Variants in GABRB2 observed in about 807,000 individuals in gnomAD.
GABRB2 encodes the protein gamma-aminobutyric acid type A receptor subunit beta2, also known as gamma-aminobutyric acid receptor subunit beta-2.
Under a neutral mutation model 54.7 loss-of-function variants are expected in GABRB2, and 16 were observed. The observed-to-expected ratio is 0.29, with a 90% CI of 0.20 to 0.44. GABRB2 has a LOEUF of 0.44. Among genes scored for constraint, GABRB2 ranks in the 20% least tolerant of loss-of-function variants. The pLI, the probability that GABRB2 is intolerant of heterozygous loss-of-function variation, is 1.00. For synonymous variants in GABRB2, 244 were observed against 233.8 expected (o/e 1.04, Z -0.40); for missense variants, 355 against 644.0 (o/e 0.55, Z 4.86).
chr5:161,385,382 T>C (rs1279660876), intron 5 of GABRB2, among the ~76,000 whole-genome samples: 1 of 152,208 alleles, frequency 6.6e-6, no homozygotes, highest in African/African-American at 2.4e-5. Context: ...TGGTAATATG[T>C]AGAAGCTCTC....
chr5:161,400,420 C>T (rs879517197), intron 5 of GABRB2, among the ~76,000 whole-genome samples: 4 of 152,092 alleles, frequency 2.6e-5, no homozygotes, highest in Non-Finnish European at 4.4e-5. Flanking sequence ...TAAGTAAACA[C>T]GTTTGCATTC....
rs565352305 is a variant in GABRB2, at chr5:161,505,563, T to A, written c.237+39664A>T. Among the ~76,000 whole-genome samples, 27 of 152,218 alleles carry A rather than the reference T, an allele frequency of 1.8e-4. No homozygotes were observed. The East Asian group carries it at 4.1e-3, about 23-fold the overall frequency. ...CTTTAATAAAATATTTACAAAAAAA[T>A]TAATAATATGTTAAAAGGGTAATAG... On this transcript the variant is annotated intron_variant, in intron 3 of 9. Transcript: ENST00000393959.
Position 161,361,327 on chromosome 5 carries a change from T to C in GABRB2, c.542-24558A>G, listed in dbSNP as rs575120766. ...CTTTTAGGGAAGGAATTATTTTAAA[T>C]TGTTAAGTGTAACAATGGTATTTAT... On this transcript the variant is annotated intron_variant, in intron 5 of 9. Transcript: ENST00000393959. Among the ~76,000 whole-genome samples the C allele has an allele frequency of 2.2e-3, 334 of 152,280 alleles. 2 individuals carry two copies. Among genetic ancestry groups the C allele is most frequent in the African/African-American group, 7.7e-3 (319 of 41,596 alleles).
chr5:161,397,203 A>G (rs1267980710), intron 5 of GABRB2, among the ~76,000 whole-genome samples: 1 of 152,152 alleles, frequency 6.6e-6, no homozygotes, highest in Non-Finnish European at 1.5e-5. Flanking sequence ...CAGTCAAGTA[A>G]CTTTTCTACA....
chr5:161,455,529 A>AT (rs34494220), intron 4 of GABRB2, among the ~76,000 whole-genome samples: 13,970 of 137,898 alleles, frequency 0.1, 705 homozygotes, highest in Middle Eastern at 0.12. Context: ...TTGTTCCCCA[A>AT]TTTTTTTTTT....
intron 3 of GABRB2, among the ~76,000 whole-genome samples, chr5:161,540,095 A>C (rs1295805138): frequency 1.3e-5 from 2 of 152,214 alleles, no homozygotes; most frequent in Non-Finnish European, 2.9e-5. Context: ...TTCCTTTCAC[A>C]AAAGATTTCT....
At chr5:161,487,415 G>A (rs575737966) in intron 3 of GABRB2, among the ~76,000 whole-genome samples, 4 of 152,008 alleles carry the variant, frequency 2.6e-5, no homozygotes, top group East Asian at 2.0e-4. Context: ...GAATGCTTCC[G>A]TGAAAAATGC....
At chr5:161,480,086 G>A (rs1485855101) in intron 3 of GABRB2, among the ~76,000 whole-genome samples, 3 of 151,854 alleles carry the variant, frequency 2.0e-5, no homozygotes, top group Admixed American at 6.6e-5. Flanking sequence ...CACTGTTATC[G>A]TTTTGAGGCC....
At chr5:161,446,983 G>A (rs58554559) in intron 4 of GABRB2, among the ~76,000 whole-genome samples, 1 of 150,348 alleles carries the variant, frequency 6.7e-6, no homozygotes, top group African/African-American at 2.4e-5. Context: ...AAAAAAAAAA[G>A]TCATCTCCCT....
At chr5:161,389,580 G>T (rs1451696670) in intron 5 of GABRB2, among the ~76,000 whole-genome samples, 1 of 151,482 alleles carries the variant, frequency 6.6e-6, no homozygotes, top group Non-Finnish European at 1.5e-5. Flanking sequence ...GAGTGTGTGT[G>T]TGTGTGTGTG....
intron 5 of GABRB2, among the ~76,000 whole-genome samples, chr5:161,404,609 C>G (rs1488043665): frequency 6.6e-6 from 1 of 152,000 alleles, no homozygotes; most frequent in African/African-American, 2.4e-5. Context: ...AGAGTTTTAG[C>G]CTTTTTCCTC....
chr5:161,396,292 A>G (rs1755999654), intron 5 of GABRB2, among the ~76,000 whole-genome samples: 1 of 152,168 alleles, frequency 6.6e-6, no homozygotes, highest in Admixed American at 6.5e-5. Flanking sequence ...TTACTATGTT[A>G]GAGTACTGTG....
At chr5:161,308,474 G>A (rs959826911) in intron 9 of GABRB2, among the ~76,000 whole-genome samples, 5 of 152,238 alleles carry the variant, frequency 3.3e-5, no homozygotes, top group Non-Finnish European at 5.9e-5. Flanking sequence ...AAACTATCAT[G>A]GATATTCTTC....
At chr5:161,313,346 T>C (rs1757931594) in intron 9 of GABRB2, among the ~76,000 whole-genome samples, 1 of 152,112 alleles carries the variant, frequency 6.6e-6, no homozygotes, top group African/African-American at 2.4e-5. Context: ...CTGGTTGGAC[T>C]GAGCAGCTCT....
At chr5:161,407,059 C>G (rs931470123) in intron 5 of GABRB2, among the ~76,000 whole-genome samples, 2 of 152,022 alleles carry the variant, frequency 1.3e-5, no homozygotes, top group Non-Finnish European at 1.5e-5. Flanking sequence ...AAGAAATGAT[C>G]CTTTGGAATT....
At chr5:161,442,654 G>A (rs1258484612) in intron 4 of GABRB2, among the ~76,000 whole-genome samples, 2 of 152,170 alleles carry the variant, frequency 1.3e-5, no homozygotes, top group African/African-American at 2.4e-5. Flanking sequence ...CAGCCATTCA[G>A]TGACCACTAC....
intron 5 of GABRB2, among the ~76,000 whole-genome samples, chr5:161,383,824 C>A (rs1025552686): frequency 6.6e-6 from 1 of 152,214 alleles, no homozygotes; most frequent in African/African-American, 2.4e-5. Context: ...TGACGCTGAA[C>A]ATGTAGTTGA....
At chr5:161,466,070 G>C (rs1379741808) in intron 3 of GABRB2, among the ~76,000 whole-genome samples, 1 of 151,844 alleles carries the variant, frequency 6.6e-6, no homozygotes, top group African/African-American at 2.4e-5. Context: ...GTCTTTGATG[G>C]GTAGCAGTCA....
chr5:161,465,871 G>T (rs983639519), intron 3 of GABRB2, among the ~76,000 whole-genome samples: 1 of 151,930 alleles, frequency 6.6e-6, no homozygotes, highest in African/African-American at 2.4e-5. Flanking sequence ...ACTAACTTTT[G>T]CAAAGCCATA....
Sources: gnomAD v4.1 joint callset for allele counts (sites outside exome capture counted in the v4.1 genomes callset) on GRCh38, gnomAD v4.1.1 for gene constraint, MANE v1.5 for transcripts, NCBI Gene and HGNC (gene_info 2026-07-23, HGNC 2026-07-21) for gene names.